The following RPGR variants were observed in gnomAD, a reference collection of about 807,000 sequenced individuals.
The protein encoded by RPGR is retinitis pigmentosa GTPase regulator, also known as X-linked retinitis pigmentosa GTPase regulator.
RPGR carries 10 observed loss-of-function variants against 56.3 expected under a neutral mutation model. That is an observed-to-expected ratio of 0.18 (90% CI 0.11 to 0.30). The LOEUF (loss-of-function observed/expected upper bound fraction) is 0.30. RPGR is among the 10% of genes least tolerant of loss of function. RPGR has a pLI of 1.00. For missense variants in RPGR, 538 were observed against 590.9 expected, an observed-to-expected ratio of 0.91 and a Z score of 0.93; for synonymous variants, 197 against 212.9, an observed-to-expected ratio of 0.93 and a Z score of 0.65.
intron 15 of RPGR, chrX:38,285,959 C>T (rs1190453281): frequency 8.9e-7 from 1 of 1,117,778 alleles, no homozygotes; most frequent in African/African-American, 2.0e-5. Context: ...TCTTCTTCCT[C>T]CCCTTCTCCC....
chrX:38,273,311 T>C, intron 18 of RPGR: 4 of 816,031 alleles, frequency 4.9e-6, no homozygotes, highest in South Asian at 4.4e-5. Flanking sequence ...AGTTAAATTA[T>C]GTGGATTGCC....
At chrX:38,292,165 T>G (rs911725862) in intron 11 of RPGR, among the ~76,000 whole-genome samples, 1 of 111,614 alleles carries the variant, frequency 9.0e-6, no homozygotes, top group Non-Finnish European at 1.9e-5. Context: ...TGCAGCCCCA[T>G]CTGACAGTGT....
Position 38,317,357 on chromosome X carries a change from G to C in RPGR, c.578C>G (p.Ser193Cys). 2 of 1,210,219 alleles carry C rather than the reference G, an allele frequency of 1.7e-6. No homozygotes were observed. The highest frequency in any genetic ancestry group is 2.2e-6 in the Non-Finnish European group (2 of 894,276). The change falls in exon 6 of 19, where the codon TCC becomes TGC. Residue 193 changes from serine (S) to cysteine (C), a missense_variant. Physicochemically the swap from Ser to Cys is moderately radical, Grantham distance 112. Transcript: ENST00000642395. ...ATGGTAATATCCACAAGAGATCCAG[G>C]AGACAGGTTTCCCAATGGTCACTTG...
Position 38,287,939 on chromosome X carries a change from A to T in RPGR, c.1675T>A (p.Cys559Ser), listed in dbSNP as rs758295621. ...ATCCCTTGTGACACATGTTGTTTAC[A>T]TGCTTTCCCTTCTTTCATTTCTGAC... The change falls in exon 14 of 19, where the codon TGT becomes AGT. Residue 559 changes from cysteine (C) to serine (S), a missense_variant. By Grantham distance (112) the Cys-to-Ser change is moderately radical (BLOSUM62 -1). Transcript: ENST00000642395. 1 of 1,210,880 alleles carries T rather than the reference A, an allele frequency of 8.3e-7. No homozygotes were observed. Among genetic ancestry groups the T allele is most frequent in the Non-Finnish European group, 1.1e-6 (1 of 894,734 alleles).
At chrX:38,270,126 T>C (rs1040819238) in intron 18 of RPGR, among the ~76,000 whole-genome samples, 4 of 111,390 alleles carry the variant, frequency 3.6e-5, no homozygotes, top group Admixed American at 9.5e-5. Flanking sequence ...CTTTGTTAAG[T>C]TGTAAGAGAA....
chrX:38,326,732 T>C (rs2147300363), intron 1 of RPGR: 1 of 111,024 alleles, frequency 9.0e-6, no homozygotes, highest in African/African-American at 3.3e-5. Context: ...AGTGCACAAG[T>C]CTGGAGTCCG....
At chrX:38,297,957 T>G (rs1408957803) in intron 10 of RPGR, among the ~76,000 whole-genome samples, 1 of 111,997 alleles carries the variant, frequency 8.9e-6, no homozygotes, top group Admixed American at 9.5e-5. Context: ...TTATTTGCCA[T>G]TTACTTTAAA....
intron 4 of RPGR, among the ~76,000 whole-genome samples, chrX:38,319,862 G>C (rs745627743): frequency 8.9e-6 from 1 of 112,301 alleles, no homozygotes; most frequent in African/African-American, 3.2e-5. Flanking sequence ...TGAAGTTAAA[G>C]CCTTGCTAAA....
At chrX:38,318,746 T>C in intron 5 of RPGR, 83 bp downstream of exon 5, 27 of 1,025,763 alleles carry the variant, frequency 2.6e-5, no homozygotes, top group Non-Finnish European at 3.7e-5. Context: ...TAAACAGCAA[T>C]GCTCCCTTCG....
intron 11 of RPGR, among the ~76,000 whole-genome samples, chrX:38,293,345 C>A (rs1459574021): frequency 9.0e-6 from 1 of 111,526 alleles, no homozygotes; most frequent in Admixed American, 9.5e-5. Flanking sequence ...AAACAGGTGG[C>A]CAGCTAGATT....
intron 15 of RPGR, among the ~76,000 whole-genome samples, chrX:38,283,926 T>C (rs1250607840): frequency 8.9e-6 from 1 of 111,977 alleles, no homozygotes; most frequent in Non-Finnish European, 1.9e-5. Flanking sequence ...TATTAATTCT[T>C]TTCTACTATC....
At chrX:38,315,063 C>T (rs762936164) in intron 6 of RPGR, among the ~76,000 whole-genome samples, 2 of 111,694 alleles carry the variant, frequency 1.8e-5, no homozygotes, top group Non-Finnish European at 1.9e-5. Context: ...GACGCGGTGG[C>T]TCACACCTGT....
At chrX:38,284,342 A>C (rs1402089654) in intron 15 of RPGR, 66 bp downstream of exon 15, 8 of 427,838 alleles carry the variant, frequency 1.9e-5, no homozygotes, top group Non-Finnish European at 2.3e-5. Flanking sequence ...GTGGAAATCT[A>C]GCCTCTCTAA....
intron 10 of RPGR, among the ~76,000 whole-genome samples, chrX:38,297,691 T>C (rs1018038472): frequency 9.0e-6 from 1 of 111,463 alleles, no homozygotes; most frequent in African/African-American, 3.3e-5. Flanking sequence ...CAGGGAAAAG[T>C]GTGTGTGCAT....
chrX:38,322,278 A>G (rs770420221), intron 3 of RPGR, among the ~76,000 whole-genome samples: 1 of 111,999 alleles, frequency 8.9e-6, no homozygotes, highest in Admixed American at 9.5e-5. Flanking sequence ...TTTTGCATAT[A>G]ACATCCAGAA....
intron 15 of RPGR, among the ~76,000 whole-genome samples, chrX:38,280,341 T>C (rs754589373): frequency 9.1e-6 from 1 of 110,360 alleles, no homozygotes; most frequent in Non-Finnish European, 1.9e-5. Flanking sequence ...CACTGGAAAA[T>C]AGTTCATTTA....
intron 5 of RPGR, among the ~76,000 whole-genome samples, chrX:38,318,271 T>C (rs1487426249): frequency 9.1e-6 from 1 of 110,244 alleles, no homozygotes; most frequent in Non-Finnish European, 1.9e-5. Context: ...AACTCTGACT[T>C]TCCTGATAGA....
chrX:38,289,112 T>C (rs1272903886), intron 13 of RPGR, among the ~76,000 whole-genome samples: 3 of 110,891 alleles, frequency 2.7e-5, no homozygotes, highest in Non-Finnish European at 5.7e-5. Flanking sequence ...GTCTTTTGAG[T>C]CCACAAAATT....
rs757669210 is a variant in RPGR at position 38,287,351 on chromosome X, T to C, written c.1754-106A>G. Reference sequence around the variant, plus strand: ...TCAATCAATTTCCTGCCATACCGTATGTTTTGGTCAGTTTCCACTTCATCA... The same window carrying C: ...TCAATCAATTTCCTGCCATACCGTACGTTTTGGTCAGTTTCCACTTCATCA... On this transcript the variant is annotated intron_variant, in intron 14 of 18. Transcript: ENST00000642395. The C allele has an allele frequency of 9.6e-6, 11 of 1,146,281 alleles. No homozygotes were observed. In the South Asian group the frequency reaches 1.6e-4, roughly 17 times the overall value. The allele number at this position is 1,146,281 out of a possible 1,213,427, so 94.5% of individuals were successfully genotyped here.
Sources: allele counts gnomAD v4.1 joint callset (sites outside exome capture counted in the v4.1 genomes callset), GRCh38; gene constraint gnomAD v4.1.1; transcripts MANE v1.5; gene names NCBI Gene and HGNC (gene_info 2026-07-23, HGNC 2026-07-21).